Variants in SNTG1 observed in about 807,000 individuals in gnomAD.
SNTG1 encodes the protein gamma-1-syntrophin.
A neutral mutation model predicts 74.7 loss-of-function variants in SNTG1; 39 were observed. The observed-to-expected ratio is 0.52, with a 90% CI of 0.40 to 0.68. SNTG1 has a LOEUF of 0.68. SNTG1 is among the 30% of genes least tolerant of loss of function. The probability of loss-of-function intolerance (pLI) is 0.00; values close to 1 mark genes in which losing one functional copy is unlikely to be tolerated. For missense variants in SNTG1, 685 were observed against 609.5 expected (o/e 1.12, Z -1.30); for synonymous variants, 254 against 217.1 (o/e 1.17, Z -1.49).
chr8:50,714,709 C>A (rs1304640183), intron 17 of SNTG1, among the ~76,000 whole-genome samples: 1 of 151,972 alleles, frequency 6.6e-6, no homozygotes, highest in Non-Finnish European at 1.5e-5. Context: ...TGAAAGTTAA[C>A]GTTCCAGGAG....
chr8:50,330,965 C>A lies in SNTG1; in HGVS notation c.-27-63247C>A, dbSNP rs563006789. ...TTTGGGTGGGGACATAGAGCTAAAC[C>A]ATATCATGTGATTTCTGAGGAGAAA... On this transcript the variant is annotated intron_variant, in intron 2 of 18. Transcript: ENST00000642720. 7.9e-5 allele frequency among the ~76,000 whole-genome samples: 12 copies of A among 152,302 alleles called. No individual in the cohort carries two copies. In the East Asian group the frequency reaches 2.1e-3, roughly 27 times the overall value.
intron 13 of SNTG1, among the ~76,000 whole-genome samples, chr8:50,650,992 C>A (rs371379058): frequency 6.6e-6 from 1 of 152,066 alleles, no homozygotes; most frequent in East Asian, 1.9e-4. Flanking sequence ...TGAGCCACTG[C>A]GCCTGGCCTC....
intron 1 of SNTG1, among the ~76,000 whole-genome samples, chr8:49,913,786 C>T (rs1805780947): frequency 3.3e-5 from 5 of 152,166 alleles, no homozygotes. Flanking sequence ...TGTCTTTAGA[C>T]AATTATTTTG....
intron 11 of SNTG1, among the ~76,000 whole-genome samples, chr8:50,552,629 A>G (rs2094433630): frequency 1.3e-5 from 2 of 152,158 alleles, no homozygotes; most frequent in Admixed American, 1.3e-4. Context: ...TTAATATTTT[A>G]TTGCCTGTTT....
At position 50,157,823 on chromosome 8, in the gene SNTG1, TAAAG is replaced by T. The variant is rs1297612590; in HGVS notation, c.-102-14734_-102-14731del. On this transcript the variant is annotated intron_variant, in intron 1 of 18. Coordinates refer to ENST00000642720, the MANE Select transcript of SNTG1 (RefSeq NM_018967.5). The stretch of plus-strand genomic sequence containing the variant: ...TCTTGCACATTCATAGAAATGAAAA[TAAAG>T]AAATCCATAGAATCGAGAATGTTAT... Among the ~76,000 whole-genome samples, 8 of 152,160 alleles carry T rather than the reference TAAAG, an allele frequency of 5.3e-5. 1 individual carries two copies. In the East Asian group the frequency reaches 1.5e-3, roughly 29 times the overall value.
At chr8:50,705,636 C>A (rs2095441045) in intron 16 of SNTG1, among the ~76,000 whole-genome samples, 1 of 151,970 alleles carries the variant, frequency 6.6e-6, no homozygotes, top group South Asian at 2.1e-4. Context: ...TTATTCCCTG[C>A]ACTAAATTAT....
chr8:50,436,242 G>T (rs910478032), intron 4 of SNTG1, among the ~76,000 whole-genome samples: 1 of 152,122 alleles, frequency 6.6e-6, no homozygotes. Flanking sequence ...AAGGAAAAAA[G>T]AAATAGTTCC....
intron 2 of SNTG1, among the ~76,000 whole-genome samples, chr8:50,357,384 A>G (rs954663467): frequency 1.3e-5 from 2 of 152,234 alleles, no homozygotes; most frequent in African/African-American, 4.8e-5. Context: ...TGTTTCTGCG[A>G]CGTGCTTTAC....
chr8:50,591,280 A>G (rs2094690217), intron 13 of SNTG1, among the ~76,000 whole-genome samples: 1 of 152,206 alleles, frequency 6.6e-6, no homozygotes, highest in Middle Eastern at 3.4e-3. Context: ...ATTTTTCACA[A>G]TTTGCTGACA....
chr8:49,978,799 G>C (rs1428106909), intron 1 of SNTG1, among the ~76,000 whole-genome samples: 2 of 152,118 alleles, frequency 1.3e-5, no homozygotes, highest in Non-Finnish European at 2.9e-5. Context: ...CTATATTTCT[G>C]TTCATTTTAG....
chr8:50,423,586 G>C (rs2093123655), intron 4 of SNTG1, among the ~76,000 whole-genome samples: 2 of 152,194 alleles, frequency 1.3e-5, no homozygotes, highest in Non-Finnish European at 2.9e-5. Flanking sequence ...GGCCATAGCA[G>C]AATGCTATCT....
chr8:49,951,062 A>G (rs1338816340), intron 1 of SNTG1, among the ~76,000 whole-genome samples: 1 of 152,212 alleles, frequency 6.6e-6, no homozygotes, highest in Admixed American at 6.5e-5. Context: ...AGAATTTTGA[A>G]TTAATCTATT....
At chr8:50,592,841 G>T (rs925249542) in intron 13 of SNTG1, among the ~76,000 whole-genome samples, 1 of 152,012 alleles carries the variant, frequency 6.6e-6, no homozygotes. Context: ...TGAAAAGAAG[G>T]GTTAATAGAC....
intron 15 of SNTG1, among the ~76,000 whole-genome samples, 167 bp downstream of exon 15, chr8:50,658,830 A>G (rs910420264): frequency 1.1e-4 from 16 of 152,204 alleles, no homozygotes; most frequent in Admixed American, 1.0e-3. Flanking sequence ...GAGAAAATAT[A>G]GAATGCACAG....
At position 50,091,302 on chromosome 8, in the gene SNTG1, G is replaced by A. The variant is rs181166135; in HGVS notation, c.-102-81259G>A. Among the ~76,000 whole-genome samples, 30 of 151,594 alleles carry A rather than the reference G, an allele frequency of 2.0e-4. No homozygotes were observed. In the South Asian group the frequency reaches 2.7e-3, roughly 14 times the overall value. ...TTTTTTTTCTTTTTAATGTTTGTGC[G>A]TGTGGTAAGAGCACCTGAAATCTAC... On this transcript the variant is annotated intron_variant, in intron 1 of 18. Coordinates refer to ENST00000642720, the MANE Select transcript of SNTG1 (RefSeq NM_018967.5).
chr8:50,038,157 G>A (rs899771251), intron 1 of SNTG1, among the ~76,000 whole-genome samples: 4 of 152,106 alleles, frequency 2.6e-5, no homozygotes, highest in Non-Finnish European at 5.9e-5. Flanking sequence ...GCCCATAGGT[G>A]GTCTCCTTGC....
upstream of SNTG1, among the ~76,000 whole-genome samples, chr8:49,910,325 CT>C (rs1262939491): frequency 2.0e-5 from 3 of 152,138 alleles, no homozygotes; most frequent in African/African-American, 7.2e-5. Context: ...ACCAGCGCCC[CT>C]CACCAGTCTT....
chr8:50,664,074 G>A (rs906745619), intron 15 of SNTG1, among the ~76,000 whole-genome samples: 4 of 152,106 alleles, frequency 2.6e-5, no homozygotes, highest in African/African-American at 7.2e-5. Context: ...CATGTTACAC[G>A]TCTCAAAATT....
intron 2 of SNTG1, among the ~76,000 whole-genome samples, chr8:50,324,257 T>C (rs2090646347): frequency 6.6e-6 from 1 of 152,160 alleles, no homozygotes; most frequent in Non-Finnish European, 1.5e-5. Context: ...CAGCACTGAG[T>C]TTGATGTAAA....
Sources: allele counts gnomAD v4.1 joint callset (sites outside exome capture counted in the v4.1 genomes callset), GRCh38; gene constraint gnomAD v4.1.1; transcripts MANE v1.5; gene names NCBI Gene and HGNC (gene_info 2026-07-23, HGNC 2026-07-21).